BBIP1: variants seen among roughly 807,000 people sequenced by gnomAD.
The protein encoded by BBIP1 is BBSome-interacting protein 1.
In BBIP1, 6 loss-of-function variants were observed where a neutral mutation model predicts 8.9. The observed-to-expected ratio is 0.67, with a 90% CI of 0.37 to 1.33. BBIP1 has a LOEUF of 1.33. BBIP1 is among the 40% of genes most tolerant of loss of function. BBIP1 has a pLI of 0.02. For synonymous variants in BBIP1, 32 were observed against 33.4 expected, an observed-to-expected ratio of 0.96 and a Z score of 0.14; for missense variants, 111 against 109.2, an observed-to-expected ratio of 1.02 and a Z score of -0.07.
At chr10:110,910,229 C>T (rs1037241695) in intron 2 of BBIP1, among the ~76,000 whole-genome samples, 3 of 151,960 alleles carry the variant, frequency 2.0e-5, no homozygotes, top group African/African-American at 4.8e-5. Flanking sequence ...CTAGACAAAG[C>T]GAAAAATACG....
At chr10:110,902,431 C>T (rs1356926206) in intron 2 of BBIP1, 1 of 152,252 alleles carries the variant, frequency 6.6e-6, no homozygotes. Context: ...GACGGTCCCA[C>T]CCACTCAGTG....
chr10:110,917,237 A>G (rs1000654877), intron 2 of BBIP1, among the ~76,000 whole-genome samples: 6 of 145,894 alleles, frequency 4.1e-5, no homozygotes, highest in South Asian at 4.4e-4. Context: ...GGGAAGGAGA[A>G]GGTATAAAAG....
chr10:110,899,571 G>C lies in BBIP1; in HGVS notation c.*789C>G, dbSNP rs1015886528. ...CCAGCACTTTGGGAGGCCGAGGTGGGCGGATCACTTGAGGTTGGGAGTTCA... is the reference window on the plus strand; with the variant it reads ...CCAGCACTTTGGGAGGCCGAGGTGGCCGGATCACTTGAGGTTGGGAGTTCA... On this transcript the variant is annotated 3_prime_UTR_variant, in exon 4 of 4. Transcript: ENST00000448814. 2 of 152,320 alleles carry C rather than the reference G, an allele frequency of 1.3e-5. No homozygotes were observed. The highest frequency in any genetic ancestry group is 2.9e-5 in the Non-Finnish European group (2 of 68,140). The allele number at this position is 152,320 out of a possible 1,614,324, so 9.4% of individuals were successfully genotyped here.
intron 2 of BBIP1, chr10:110,907,983 G>A: frequency 1.9e-6 from 1 of 528,658 alleles, no homozygotes; most frequent in Non-Finnish European, 3.3e-6. Context: ...CTTTAAAAGT[G>A]CAATCATGGG....
chr10:110,917,112 C>T (rs1055410188), intron 2 of BBIP1, among the ~76,000 whole-genome samples: 3 of 150,128 alleles, frequency 2.0e-5, no homozygotes, highest in Non-Finnish European at 3.0e-5. Flanking sequence ...TTGAACTCTT[C>T]AAAATGCCAA....
intron 2 of BBIP1, chr10:110,902,249 C>T (rs1472057791): frequency 3.9e-5 from 6 of 153,246 alleles, no homozygotes; most frequent in South Asian, 2.0e-4. Flanking sequence ...ATTCTATATG[C>T]GAAAGGACCA....
chr10:110,903,313 A>C (rs1846050674), intron 2 of BBIP1: 1 of 152,276 alleles, frequency 6.6e-6, no homozygotes, highest in Admixed American at 6.5e-5. Context: ...AAAAACAATG[A>C]AACTTGGTGC....
chr10:110,901,366 T>C, intron 3 of BBIP1, 172 bp downstream of exon 3: 1 of 591,400 alleles, frequency 1.7e-6, no homozygotes, highest in Non-Finnish European at 3.0e-6. Flanking sequence ...ATGTTTCATT[T>C]GTTATCCTTT....
intron 1 of BBIP1, among the ~76,000 whole-genome samples, chr10:110,918,540 T>A (rs752744480): frequency 6.6e-6 from 1 of 152,250 alleles, no homozygotes; most frequent in Non-Finnish European, 1.5e-5. Flanking sequence ...AAGTACTTAA[T>A]AGGAACTTGC....
At chr10:110,907,467 C>G (rs916510361) in intron 2 of BBIP1, 12 of 377,478 alleles carry the variant, frequency 3.2e-5, no homozygotes, top group Non-Finnish European at 5.1e-5. Flanking sequence ...GAGATATGAT[C>G]ACGCCACTGC....
chr10:110,903,260 C>G (rs1250407342), intron 2 of BBIP1: 1 of 152,204 alleles, frequency 6.6e-6, no homozygotes, highest in African/African-American at 2.4e-5. Flanking sequence ...CCTTTGTTTT[C>G]TCTTAGTCTG....
In BBIP1 at chr10:110,918,226, G is replaced by C. The variant is rs1846477582; in HGVS notation, c.-56-13C>G. ...CATACAGAAGAAACTACAAGATAAT[G>C]TATGATAACTTTGTAAAGGGCCATA... is the stretch of plus-strand genomic sequence containing the variant. On this transcript the variant is annotated splice_polypyrimidine_tract_variant and intron_variant, in intron 1 of 3. Coordinates refer to ENST00000448814, the MANE Select transcript of BBIP1 (RefSeq NM_001195305.3). 1.5e-6 allele frequency: 2 copies of C among 1,331,554 alleles called. No homozygotes were observed. 82.5% of individuals were successfully genotyped at this position (1,331,554 alleles called of 1,614,324 possible).
chr10:110,911,158 T>C (rs1029499861), intron 2 of BBIP1: 1 of 152,176 alleles, frequency 6.6e-6, no homozygotes, highest in African/African-American at 2.4e-5. Context: ...CAGCAATTCT[T>C]ACCATAGTGT....
intron 2 of BBIP1, among the ~76,000 whole-genome samples, chr10:110,912,539 GGACA>G (rs1235730972): frequency 5.3e-5 from 8 of 151,994 alleles, no homozygotes; most frequent in African/African-American, 1.5e-4. Flanking sequence ...GTCACACAGT[GGACA>G]GACAGAGAAG....
chr10:110,916,521 A>G (rs1305062964), intron 2 of BBIP1, among the ~76,000 whole-genome samples: 1 of 152,234 alleles, frequency 6.6e-6, no homozygotes, highest in Non-Finnish European at 1.5e-5. Context: ...AGCTATCATA[A>G]AAACACCAGG....
chr10:110,917,475 T>C (rs1302449533), intron 2 of BBIP1, among the ~76,000 whole-genome samples: 3 of 152,168 alleles, frequency 2.0e-5, no homozygotes, highest in African/African-American at 7.2e-5. Flanking sequence ...CTGCTGCATA[T>C]AGATGATGGG....
intron 3 of BBIP1, 191 bp downstream of exon 3, chr10:110,901,347 T>G: frequency 1.7e-6 from 1 of 576,808 alleles, no homozygotes; most frequent in Non-Finnish European, 3.1e-6. Context: ...ATTTTAGGTA[T>G]AAGAAACAAT....
chr10:110,914,654 A>G (rs935445013), intron 2 of BBIP1, among the ~76,000 whole-genome samples: 3 of 152,266 alleles, frequency 2.0e-5, no homozygotes, highest in Non-Finnish European at 4.4e-5. Flanking sequence ...CTGCTTTGCT[A>G]TCTGGCATCT....
At chr10:110,919,231 C>A, upstream of BBIP1, 1 of 202,012 alleles carries the variant, frequency 5.0e-6, no homozygotes, top group Non-Finnish European at 9.9e-6. Context: ...TCTCCTTTTG[C>A]CATTATCAGT....
Sources: allele counts gnomAD v4.1 joint callset (sites outside exome capture counted in the v4.1 genomes callset), GRCh38; gene constraint gnomAD v4.1.1; transcripts MANE v1.5; gene names NCBI Gene and HGNC (gene_info 2026-07-23, HGNC 2026-07-21).